The following WWOX variants were observed in gnomAD, a reference collection of about 807,000 sequenced individuals.
WWOX encodes the protein WW domain-containing oxidoreductase.
A neutral mutation model predicts 46.2 loss-of-function variants in WWOX; 69 were observed. The ratio of observed to expected loss-of-function variants is 1.49; its 90% CI spans 1.23 to 1.82. The LOEUF (loss-of-function observed/expected upper bound fraction) is 1.82. Among genes scored for constraint, WWOX ranks in the 40% most tolerant of loss-of-function variants. The probability of loss-of-function intolerance (pLI) is 0.00; values close to 1 mark genes in which losing one functional copy is unlikely to be tolerated. For missense variants in WWOX, 919 were observed against 542.6 expected (o/e 1.69, Z -6.89); for synonymous variants, 359 against 202.6 (o/e 1.77, Z -6.56).
At chr16:79,128,482 A>G (rs1030407314) in intron 8 of WWOX, among the ~76,000 whole-genome samples, 2 of 152,210 alleles carry the variant, frequency 1.3e-5, no homozygotes, top group African/African-American at 2.4e-5. Flanking sequence ...AAGAAAATTA[A>G]GGCTCAGAGA....
chr16:78,798,158 G>A (rs1343671674), intron 8 of WWOX, among the ~76,000 whole-genome samples: 2 of 152,152 alleles, frequency 1.3e-5, no homozygotes, highest in Non-Finnish European at 1.5e-5. Flanking sequence ...GAGCGCAGAG[G>A]TCATGATACC....
At chr16:78,108,092 C>G in intron 1 of WWOX, among the ~76,000 whole-genome samples, 1 of 151,650 alleles carries the variant, frequency 6.6e-6, no homozygotes, top group East Asian at 1.9e-4. Context: ...CTGTCCCCAG[C>G]TAATTTTGTA....
intron 8 of WWOX, among the ~76,000 whole-genome samples, chr16:78,558,211 C>T (rs1423608226): frequency 6.6e-6 from 1 of 152,098 alleles, no homozygotes; most frequent in Non-Finnish European, 1.5e-5. Context: ...GTGTTTTTGC[C>T]CTTCCGATCC....
At chr16:78,505,211 T>G (rs2085164328) in intron 8 of WWOX, among the ~76,000 whole-genome samples, 1 of 152,172 alleles carries the variant, frequency 6.6e-6, no homozygotes, top group Non-Finnish European at 1.5e-5. Flanking sequence ...CCAAATGAAT[T>G]CTAATCGTCA....
At chr16:78,596,070 A>G (rs1378605729) in intron 8 of WWOX, among the ~76,000 whole-genome samples, 4 of 152,186 alleles carry the variant, frequency 2.6e-5, no homozygotes, top group East Asian at 3.9e-4. Context: ...CTCATTTTTT[A>G]TATTCAAAAT....
At chr16:78,291,990 C>T (rs1287051230) in intron 5 of WWOX, among the ~76,000 whole-genome samples, 2 of 151,924 alleles carry the variant, frequency 1.3e-5, no homozygotes, top group Non-Finnish European at 2.9e-5. Flanking sequence ...TGGTACCTTT[C>T]CCTGTGTAAC....
intron 8 of WWOX, among the ~76,000 whole-genome samples, chr16:78,758,300 G>C (rs2142478806): frequency 6.6e-6 from 1 of 152,136 alleles, no homozygotes; most frequent in Non-Finnish European, 1.5e-5. Context: ...GTTCTCTTTG[G>C]GCAAATGGAA....
In WWOX at chr16:78,995,725, A is replaced by G. The variant is rs376506936; in HGVS notation, c.1057-215883A>G. ...GTGTGAAGAACAGCAGTGACATTCT[A>G]GTCTTCAATAAATCACTATAAAAAT... On this transcript the variant is annotated intron_variant, in intron 8 of 8. Transcript: ENST00000566780. Among the ~76,000 whole-genome samples the G allele has an allele frequency of 1.1e-3, 164 of 152,328 alleles. 3 individuals are homozygous for G. In the South Asian group the frequency reaches 0.029, roughly 27 times the overall value.
intron 8 of WWOX, among the ~76,000 whole-genome samples, chr16:78,957,512 G>T (rs563496336): frequency 1.6e-4 from 24 of 152,300 alleles, no homozygotes; most frequent in African/African-American, 4.8e-4. Flanking sequence ...CAGGTGTTCT[G>T]TGGGAACTGA....
chr16:78,864,062 T>C (rs192738311), intron 8 of WWOX, among the ~76,000 whole-genome samples: 32 of 152,346 alleles, frequency 2.1e-4, no homozygotes, highest in Admixed American at 7.2e-4. Flanking sequence ...TGAACATTTC[T>C]GTGTAAGTTT....
chr16:78,965,325 T>C lies in WWOX; in HGVS notation c.1057-246283T>C, dbSNP rs997382103. Among the ~76,000 whole-genome samples the C allele has an allele frequency of 3.3e-5, 5 of 152,120 alleles. No individual in the cohort carries two copies. In the East Asian group the frequency reaches 5.8e-4, roughly 18 times the overall value. On this transcript the variant is annotated intron_variant, in intron 8 of 8. Transcript: ENST00000566780. ...GGCTCATGCCTATAATCCTAGCACG[T>C]TGGGAGGCTGAGGTGGGTGGAGCAC...
At chr16:78,761,116 A>G (rs989240606) in intron 8 of WWOX, among the ~76,000 whole-genome samples, 2 of 152,186 alleles carry the variant, frequency 1.3e-5, no homozygotes, top group Non-Finnish European at 2.9e-5. Flanking sequence ...GACAGAGCCA[A>G]ACCATATTAC....
intron 8 of WWOX, among the ~76,000 whole-genome samples, chr16:78,700,346 G>C (rs1188415603): frequency 7.1e-6 from 1 of 140,622 alleles, no homozygotes; most frequent in African/African-American, 2.9e-5. Context: ...GAGAGAGAGA[G>C]AGAGAGAGAG....
At chr16:78,908,047 C>G (rs575548611) in intron 8 of WWOX, among the ~76,000 whole-genome samples, 2 of 152,244 alleles carry the variant, frequency 1.3e-5, no homozygotes, top group African/African-American at 4.8e-5. Flanking sequence ...GGCATACTAA[C>G]CGTATGAAAG....
chr16:78,422,819 A>G (rs1361672778), intron 6 of WWOX, among the ~76,000 whole-genome samples: 1 of 114,350 alleles, frequency 8.7e-6, no homozygotes, highest in Non-Finnish European at 1.6e-5. Context: ...ACATATATAT[A>G]CACACACATA....
At chr16:78,400,678 G>A (rs1313347877) in intron 6 of WWOX, among the ~76,000 whole-genome samples, 2 of 152,176 alleles carry the variant, frequency 1.3e-5, no homozygotes, top group African/African-American at 4.8e-5. Flanking sequence ...AACAGGGAAG[G>A]GAGGACTGGA....
chr16:78,678,220 G>C (rs2047649105), intron 8 of WWOX, among the ~76,000 whole-genome samples: 1 of 152,180 alleles, frequency 6.6e-6, no homozygotes, highest in East Asian at 1.9e-4. Context: ...AATGAAAAGT[G>C]AGTGAATGGG....
chr16:78,413,203 C>G (rs2082722896), intron 6 of WWOX, among the ~76,000 whole-genome samples: 2 of 152,156 alleles, frequency 1.3e-5, no homozygotes, highest in Admixed American at 6.5e-5. Flanking sequence ...CCCGAGAATT[C>G]AGGGATCGGA....
At chr16:78,981,100 G>A (rs1204336442) in intron 8 of WWOX, among the ~76,000 whole-genome samples, 3 of 152,170 alleles carry the variant, frequency 2.0e-5, no homozygotes, top group Non-Finnish European at 2.9e-5. Flanking sequence ...TCTTCCTGTG[G>A]AGTCCCATGC....
Sources: gnomAD v4.1 joint callset for allele counts (sites outside exome capture counted in the v4.1 genomes callset) on GRCh38, gnomAD v4.1.1 for gene constraint, MANE v1.5 for transcripts, NCBI Gene and HGNC (gene_info 2026-07-23, HGNC 2026-07-21) for gene names.